TBP: variants seen among roughly 807,000 people sequenced by gnomAD.
The protein encoded by TBP is TATA-box binding protein.
Under a neutral mutation model 46.2 loss-of-function variants are expected in TBP, and 12 were observed. The observed-to-expected ratio is 0.26, with a 90% CI of 0.17 to 0.42. The LOEUF is 0.42. Among genes scored for constraint, TBP ranks in the 10% least tolerant of loss-of-function variants. The pLI is 1.00. For synonymous variants in TBP, 157 were observed against 148.3 expected, an observed-to-expected ratio of 1.06 and a Z score of -0.42; for missense variants, 229 against 403.1, an observed-to-expected ratio of 0.57 and a Z score of 3.70.
At chr6:170,566,561 C>G (rs1779251788) in intron 4 of TBP, among the ~76,000 whole-genome samples, 1 of 151,148 alleles carries the variant, frequency 6.6e-6, no homozygotes, top group Non-Finnish European at 1.5e-5. Flanking sequence ...ATCAGAGAAG[C>G]TATAGTCATG....
At chr6:170,564,967 G>A (rs1191005368) in intron 4 of TBP, among the ~76,000 whole-genome samples, 5 of 152,084 alleles carry the variant, frequency 3.3e-5, no homozygotes, top group Non-Finnish European at 5.9e-5. Context: ...GACCATCCTG[G>A]CCAACATAGT....
intron 2 of TBP, among the ~76,000 whole-genome samples, chr6:170,558,841 G>A (rs918988138): frequency 1.3e-5 from 2 of 151,928 alleles, no homozygotes; most frequent in Non-Finnish European, 2.9e-5. Context: ...TTACAGGCAT[G>A]CGCCACCACA....
intron 2 of TBP, among the ~76,000 whole-genome samples, chr6:170,557,887 A>G (rs890135626): frequency 1.4e-4 from 21 of 152,148 alleles, no homozygotes; most frequent in Non-Finnish European, 4.4e-5. Flanking sequence ...TCCCCTTTAT[A>G]GTCACTCTGC....
rs747786221 is a variant in TBP at position 170,569,586 on chromosome 6, A to C, written c.678-26A>C. 3 of 1,604,198 alleles carry C rather than the reference A, an allele frequency of 1.9e-6. No homozygotes were observed. In the Admixed American group the frequency reaches 5.1e-5, roughly 27 times the overall value. On this transcript the variant is annotated intron_variant, in intron 5 of 7. Transcript: ENST00000392092. ...GTATTTTAGCTGGCTCTGAGTATGA[A>C]TAACTCACTTTTTTCCTTTCCCTAG...
intron 2 of TBP, among the ~76,000 whole-genome samples, chr6:170,561,162 G>GCAATT (rs1779131975): frequency 6.6e-6 from 1 of 152,178 alleles, no homozygotes; most frequent in Non-Finnish European, 1.5e-5. Flanking sequence ...TCACATGATT[G>GCAATT]TTAGCATTTT....
intron 2 of TBP, among the ~76,000 whole-genome samples, chr6:170,558,882 C>T (rs544844480): frequency 1.3e-5 from 2 of 152,038 alleles, no homozygotes; most frequent in South Asian, 2.1e-4. Flanking sequence ...TTAGTGGAGA[C>T]GGAGTTTCAC....
chr6:170,564,871 A>G (rs1009183351), intron 4 of TBP, among the ~76,000 whole-genome samples: 18 of 152,006 alleles, frequency 1.2e-4, no homozygotes, highest in Admixed American at 7.2e-4. Context: ...AAAAAAAAAA[A>G]ATTGGCCGGG....
At position 170,572,057 on chromosome 6, in the gene TBP, G is replaced by A. The variant is rs566374180; in HGVS notation, c.941-129G>A. The stretch of plus-strand genomic sequence containing the variant: ...GGGATTCCACTATTAATGTTTTCAT[G>A]CCTGTGCCTTAATCTGACTGGGTAT... On this transcript the variant is annotated intron_variant, in intron 7 of 7. Coordinates refer to ENST00000392092, the MANE Select transcript of TBP (RefSeq NM_003194.5). 20 of 726,850 alleles carry A rather than the reference G, an allele frequency of 2.8e-5. No individual in the cohort carries two copies. The South Asian group carries it at 3.1e-4, about 11-fold the overall frequency. The allele number at this position is 726,850 out of a possible 1,614,324, so 45.0% of individuals were successfully genotyped here.
intron 5 of TBP, chr6:170,567,363 T>C (rs1271176715): frequency 6.5e-6 from 1 of 153,596 alleles, no homozygotes; most frequent in East Asian, 1.9e-4. Flanking sequence ...TGGATGTCTG[T>C]AGTCCCAGCT....
chr6:170,557,761 T>C (rs1041423652), intron 2 of TBP, among the ~76,000 whole-genome samples: 4 of 103,304 alleles, frequency 3.9e-5, no homozygotes, highest in African/African-American at 1.1e-4. Context: ...AAAAAAAAAA[T>C]CAATAACTTT....
In TBP at chr6:170,562,210, T is replaced by C. The variant is rs1182253288; in HGVS notation, c.474T>C (p.Ser158=). Residue 158 remains serine, a synonymous_variant, in exon 3 of 8, where the codon AGT becomes AGC. Coordinates refer to ENST00000392092, the MANE Select transcript of TBP (RefSeq NM_003194.5). Reference sequence around the variant, plus strand: ...CTCCTGCCACGCCAGCTTCGGAGAGTTCTGGGATTGTACCGCAGCTGCAGT... The same window carrying C: ...CTCCTGCCACGCCAGCTTCGGAGAGCTCTGGGATTGTACCGCAGCTGCAGT... ...PITPATPASE[S]SGIVPQLQNI... 4.3e-6 allele frequency: 7 copies of C among 1,613,958 alleles called. No homozygotes were observed. Among genetic ancestry groups the C allele is most frequent in the Non-Finnish European group, 5.9e-6 (7 of 1,179,932 alleles).
At chr6:170,558,682 T>C (rs1331985750) in intron 2 of TBP, among the ~76,000 whole-genome samples, 1 of 151,850 alleles carries the variant, frequency 6.6e-6, no homozygotes, top group African/African-American at 2.4e-5. Context: ...AACTTTTTTT[T>C]TTCTTTTTTT....
At chr6:170,570,661 C>T (rs568367398) in intron 6 of TBP, among the ~76,000 whole-genome samples, 1 of 152,236 alleles carries the variant, frequency 6.6e-6, no homozygotes, top group South Asian at 2.1e-4. Flanking sequence ...GGTGAAACCT[C>T]GTCTTTACTA....
intron 6 of TBP, 36 bp from the exon 7 acceptor site, chr6:170,571,374 T>A (rs533000312): frequency 6.8e-7 from 1 of 1,472,026 alleles, no homozygotes; most frequent in South Asian, 1.2e-5. Flanking sequence ...CACACAAAGC[T>A]CTTGATTTCT....
intron 5 of TBP, 153 bp downstream of exon 5, chr6:170,567,162 T>G (rs1779270655): frequency 3.5e-6 from 1 of 281,892 alleles, no homozygotes. Flanking sequence ...TATTTTTATT[T>G]ATTTATTTAT....
rs113202486 is a variant in TBP, at chr6:170,561,925, A to ACAGCAGCAG, written c.207_215dup (p.Gln93_Gln95dup). 7.0e-4 allele frequency: 691 copies of ACAGCAGCAG among 981,328 alleles called. 17 individuals are homozygous for ACAGCAGCAG. The highest frequency in any genetic ancestry group is 1.1e-3 in the Admixed American group (54 of 49,484). 60.8% of individuals were successfully genotyped at this position (981,328 alleles called of 1,614,324 possible). A position where few individuals can be genotyped will look rare whatever the true frequency, so the allele number is the denominator to read the frequency against. On this transcript the variant is annotated inframe_insertion, in exon 3 of 8. Transcript: ENST00000392092. ...AACAAAGGCAGCAGCAGCAACAACA[A>ACAGCAGCAG]CAGCAGCAGCAGCAGCAGCAGCAGC...
At chr6:170,557,190 T>A in intron 2 of TBP, 107 bp downstream of exon 2, 1 of 1,094,016 alleles carries the variant, frequency 9.1e-7, no homozygotes, top group Non-Finnish European at 1.4e-6. Context: ...GAAAATGGTT[T>A]AATATGTTTT....
At chr6:170,556,665 G>A (rs1779036149) in intron 1 of TBP, among the ~76,000 whole-genome samples, 1 of 152,162 alleles carries the variant, frequency 6.6e-6, no homozygotes, top group Non-Finnish European at 1.5e-5. Flanking sequence ...ATTTAAACAT[G>A]TAACAAAATG....
chr6:170,560,862 G>T (rs1382503723), intron 2 of TBP, among the ~76,000 whole-genome samples: 1 of 152,208 alleles, frequency 6.6e-6, no homozygotes, highest in African/African-American at 2.4e-5. Flanking sequence ...TTGACTCCTG[G>T]TGAAGAACTG....
Sources: allele counts gnomAD v4.1 joint callset (sites outside exome capture counted in the v4.1 genomes callset), GRCh38; gene constraint gnomAD v4.1.1; transcripts MANE v1.5; gene names NCBI Gene and HGNC (gene_info 2026-07-23, HGNC 2026-07-21).